The following CUL9 variants were observed in gnomAD, a reference collection of about 807,000 sequenced individuals.
CUL9 encodes the protein cullin 9.
CUL9 carries 79 observed loss-of-function variants against 272.6 expected under a neutral mutation model. The observed-to-expected ratio is 0.29, with a 90% confidence interval of 0.24 to 0.35. The LOEUF (loss-of-function observed/expected upper bound fraction) is 0.35, where lower values mean the gene tolerates loss of function less well. CUL9 is among the 10% of genes least tolerant of loss of function. CUL9 has a pLI of 1.00. For missense variants in CUL9, 2,532 were observed against 3,255.6 expected, an observed-to-expected ratio of 0.78 and a Z score of 5.41; for synonymous variants, 1,186 against 1,286.5, an observed-to-expected ratio of 0.92 and a Z score of 1.67.
chr6:43,192,680 C>T (rs112481050), intron 8 of CUL9, among the ~76,000 whole-genome samples: 34 of 152,222 alleles, frequency 2.2e-4, no homozygotes, highest in African/African-American at 7.2e-4. Context: ...ATCTCAAAAA[C>T]GAAAAGACAA....
rs532548782 is a variant in CUL9, at chr6:43,221,643, G to A, written c.6753-42G>A. 6.1e-4 allele frequency: 960 copies of A among 1,582,304 alleles called. 2 individuals are homozygous for A. The African/African-American group carries it at 0.011, about 19-fold the overall frequency. ...CCCTTGGCATTCCTGGCACACCCCTGCCCAGAGGCAGGAGTCCCTGACCAG... is the reference window on the plus strand; with the variant it reads ...CCCTTGGCATTCCTGGCACACCCCTACCCAGAGGCAGGAGTCCCTGACCAG... On this transcript the variant is annotated intron_variant, in intron 34 of 40. Coordinates refer to ENST00000252050, the MANE Select transcript of CUL9 (RefSeq NM_015089.4). The surrounding 1 kb of genome is among the most constrained non-coding windows in gnomAD (Gnocchi z 4.2).
Position 43,222,389 on chromosome 6 carries a change from G to A in CUL9, c.6920G>A (p.Arg2307Gln), listed in dbSNP as rs1776439611. The change falls in exon 36 of 41, where the codon CGG (arginine) becomes CAG (glutamine). Residue 2307 changes from arginine to glutamine, a missense_variant and splice_region_variant. By Grantham distance (43) the Arg-to-Gln change is conservative (BLOSUM62 1). Transcript: ENST00000252050. ...NERCTFHHQA[R>Q]EFAVNLRNRV... ...AGGTGCACTTTCCATCACCAGGCGC[G>A]GGTGAGTCGGGAGGAAACAGCGGGT... The A allele has an allele frequency of 1.2e-6, 2 of 1,613,830 alleles. No individual in the cohort carries two copies. The highest frequency in any genetic ancestry group is 1.1e-5 in the South Asian group (1 of 91,072).
Position 43,187,702 on chromosome 6 carries a change from T to C in CUL9, c.1582-11T>C. On this transcript the variant is annotated splice_polypyrimidine_tract_variant and intron_variant, in intron 6 of 40. Coordinates refer to ENST00000252050, the MANE Select transcript of CUL9 (RefSeq NM_015089.4). ...GCTTGTCTCTTAAACGTATACCCCT[T>C]CTGTTGACAGACCCTGGGTGAAAAG... is the stretch of plus-strand genomic sequence containing the variant. 1 of 1,610,944 alleles carries C rather than the reference T, an allele frequency of 6.2e-7. No homozygotes were observed. Among genetic ancestry groups the C allele is most frequent in the Non-Finnish European group, 8.5e-7 (1 of 1,179,210 alleles).
chr6:43,214,407 ACTCTGT>A (rs1775768530), intron 29 of CUL9, among the ~76,000 whole-genome samples: 1 of 152,164 alleles, frequency 6.6e-6, no homozygotes, highest in Admixed American at 6.5e-5. Context: ...ACAGAGCAAG[ACTCTGT>A]CTCAAAAAGA....
In CUL9 at chr6:43,223,376, C is replaced by CA; in HGVS notation, c.7264dup (p.Ile2422AsnfsTer49). ...GGCGGATCCAGGAGAGGCTGCTTGC[C>CA]ATCCTGCAGCATTCTGCCCAGGTAC... On this transcript the variant is annotated frameshift_variant, in exon 39 of 41. Transcript: ENST00000252050. LOFTEE classifies it high-confidence loss of function. The surrounding 1 kb of genome is among the most constrained non-coding windows in gnomAD (Gnocchi z 4.1). 6.3e-7 allele frequency: 1 copy of CA among 1,599,888 alleles called. No individual in the cohort carries two copies. The highest frequency in any genetic ancestry group is 8.5e-7 in the Non-Finnish European group (1 of 1,172,944).
rs1776539949 is a variant in CUL9, at chr6:43,223,410, C to T, written c.7284+13C>T. 2 of 1,584,706 alleles carry T rather than the reference C, an allele frequency of 1.3e-6. No homozygotes were observed. Among genetic ancestry groups the T allele is most frequent in the African/African-American group, 1.3e-5 (1 of 74,628 alleles). ...GCATTCTGCCCAGGTACTGCCCGGC[C>T]CAGACCCCTTCTGCTCCTGCATTCT... is the stretch of plus-strand genomic sequence containing the variant. On this transcript the variant is annotated intron_variant, in intron 39 of 40. Coordinates refer to ENST00000252050, the MANE Select transcript of CUL9 (RefSeq NM_015089.4). The surrounding 1 kb of genome is among the most constrained non-coding windows in gnomAD (Gnocchi z 4.1).
rs1210486509 is a variant in CUL9 at position 43,203,210 on chromosome 6, G to C, written c.3849+6G>C. The C allele has an allele frequency of 6.2e-7, 1 of 1,614,190 alleles. No homozygotes were observed. Among genetic ancestry groups the C allele is most frequent in the Non-Finnish European group, 8.5e-7 (1 of 1,180,022 alleles). On this transcript the variant is annotated splice_donor_region_variant and intron_variant, in intron 18 of 40. Transcript: ENST00000252050. This position sits in a 1 kb window ranked among gnomAD's most constrained non-coding sequence, Gnocchi z 5.0. Reference sequence around the variant, plus strand: ...GCATAAAGCGCTGCCAGCAGGTGGTGTTAGGGTGTCAGCCAGGGCTGAGGA... The same window carrying C: ...GCATAAAGCGCTGCCAGCAGGTGGTCTTAGGGTGTCAGCCAGGGCTGAGGA...
chr6:43,206,545 G>A lies in CUL9; in HGVS notation c.5212+35G>A. 1 of 1,604,378 alleles carries A rather than the reference G, an allele frequency of 6.2e-7. No individual in the cohort carries two copies. The highest frequency in any genetic ancestry group is 8.5e-7 in the Non-Finnish European group (1 of 1,171,262). ...TAGGGAGAGGAAATTGGAGATCGGG[G>A]TGAGATTCGGGGTGGCAAGAGAGGA... On this transcript the variant is annotated intron_variant, in intron 26 of 40. Transcript: ENST00000252050. The surrounding 1 kb of genome is among the most constrained non-coding windows in gnomAD (Gnocchi z 4.8).
rs1451236063 is a variant in CUL9, at chr6:43,213,951, G to T, written c.5688+39G>T. 1.2e-6 allele frequency: 2 copies of T among 1,604,308 alleles called. No individual in the cohort carries two copies. Among genetic ancestry groups the T allele is most frequent in the Non-Finnish European group, 1.7e-6 (2 of 1,171,658 alleles). Reference sequence around the variant, plus strand: ...GGACCATGAAGTTGGCGGAGGGAGGGAGTCATGCTTGGGATTGGGGATGAA... The same window carrying T: ...GGACCATGAAGTTGGCGGAGGGAGGTAGTCATGCTTGGGATTGGGGATGAA... On this transcript the variant is annotated intron_variant, in intron 29 of 40. Coordinates refer to ENST00000252050, the MANE Select transcript of CUL9 (RefSeq NM_015089.4). This position sits in a 1 kb window ranked among gnomAD's most constrained non-coding sequence, Gnocchi z 5.7.
At chr6:43,207,160 T>G (rs1465976456) in intron 26 of CUL9, among the ~76,000 whole-genome samples, 1 of 152,184 alleles carries the variant, frequency 6.6e-6, no homozygotes. Context: ...TTCAGTAAAG[T>G]GCACACGTCT....
chr6:43,219,746 G>A (rs990773447), intron 31 of CUL9, among the ~76,000 whole-genome samples: 9 of 152,164 alleles, frequency 5.9e-5, no homozygotes, highest in South Asian at 2.1e-4. Flanking sequence ...CGGCTGCAAC[G>A]GCTGCTCGTG....
chr6:43,211,294 A>G (rs1247106421), intron 26 of CUL9, among the ~76,000 whole-genome samples: 1 of 152,244 alleles, frequency 6.6e-6, no homozygotes, highest in Admixed American at 6.5e-5. Context: ...ACGGTGGCTC[A>G]TGCCTGTAAT....
At chr6:43,188,446 C>T in intron 7 of CUL9, 77 bp from the exon 8 acceptor site, 1 of 1,373,018 alleles carries the variant, frequency 7.3e-7, no homozygotes. Context: ...GGTAGGATAA[C>T]TGGGCTTGAC....
At chr6:43,186,857 C>T in intron 4 of CUL9, 103 bp from the exon 5 acceptor site, 1 of 1,433,830 alleles carries the variant, frequency 7.0e-7, no homozygotes, top group Non-Finnish European at 9.5e-7. Flanking sequence ...TGAGGGTGCG[C>T]CCCAGATCTA....
chr6:43,203,386 T>C lies in CUL9; in HGVS notation c.3850-31T>C. ...GTAGTACTTAGTGGCTCAAGCGGCT[T>C]GGGTGACAGATAAGTCTGTGCATGT... is the stretch of plus-strand genomic sequence containing the variant. On this transcript the variant is annotated intron_variant, in intron 18 of 40. Coordinates refer to ENST00000252050, the MANE Select transcript of CUL9 (RefSeq NM_015089.4). This position sits in a 1 kb window ranked among gnomAD's most constrained non-coding sequence, Gnocchi z 5.0. The C allele has an allele frequency of 6.2e-7, 1 of 1,611,804 alleles. No individual in the cohort carries two copies. Among genetic ancestry groups the C allele is most frequent in the Non-Finnish European group, 8.5e-7 (1 of 1,178,744 alleles).
rs562809695 is a variant in CUL9 at position 43,203,374 on chromosome 6, G to C, written c.3850-43G>C. On this transcript the variant is annotated intron_variant, in intron 18 of 40. Coordinates refer to ENST00000252050, the MANE Select transcript of CUL9 (RefSeq NM_015089.4). The surrounding 1 kb of genome is among the most constrained non-coding windows in gnomAD (Gnocchi z 5.0). ...GGCTTGGCTTTGGTAGTACTTAGTG[G>C]CTCAAGCGGCTTGGGTGACAGATAA... 1 of 1,610,078 alleles carries C rather than the reference G, an allele frequency of 6.2e-7. No individual in the cohort carries two copies. The highest frequency in any genetic ancestry group is 1.1e-5 in the South Asian group (1 of 90,518).
At position 43,206,305 on chromosome 6, in the gene CUL9, T is replaced by C. The variant is rs761233482; in HGVS notation, c.5023-16T>C. The C allele has an allele frequency of 6.2e-7, 1 of 1,613,504 alleles. No homozygotes were observed. The highest frequency in any genetic ancestry group is 8.5e-7 in the Non-Finnish European group (1 of 1,179,576). On this transcript the variant is annotated splice_polypyrimidine_tract_variant and intron_variant, in intron 25 of 40. Coordinates refer to ENST00000252050, the MANE Select transcript of CUL9 (RefSeq NM_015089.4). This position sits in a 1 kb window ranked among gnomAD's most constrained non-coding sequence, Gnocchi z 4.8. ...GAAGGGAGCCCAAGGGCCCTTGAAA[T>C]CCTTCTGTCCCTCAGGAGGAAGAGG...
At chr6:43,191,013 CT>C (rs1773412079) in intron 8 of CUL9, among the ~76,000 whole-genome samples, 1 of 151,990 alleles carries the variant, frequency 6.6e-6, no homozygotes, top group South Asian at 2.1e-4. Flanking sequence ...GAGTTTCAGA[CT>C]TTTTGTTGCT....
chr6:43,209,647 C>CT (rs1775320263), intron 26 of CUL9, among the ~76,000 whole-genome samples: 1 of 151,786 alleles, frequency 6.6e-6, no homozygotes, highest in African/African-American at 2.4e-5. Flanking sequence ...CTTTTCTTTT[C>CT]TTTCTTTCTT....
Sources: gnomAD v4.1 joint callset for allele counts (sites outside exome capture counted in the v4.1 genomes callset) on GRCh38, gnomAD v4.1.1 for gene constraint, Gnocchi (gnomAD v3.1) non-coding constraint, MANE v1.5 for transcripts, NCBI Gene and HGNC (gene_info 2026-07-23, HGNC 2026-07-21) for gene names.